Variants in TXNDC16 observed in about 807,000 individuals in gnomAD.
The protein encoded by TXNDC16 is thioredoxin domain containing 16, also known as thioredoxin domain-containing protein 16.
A neutral mutation model predicts 85.6 loss-of-function variants in TXNDC16; 74 were observed. The ratio of observed to expected loss-of-function variants is 0.86; its 90% CI spans 0.72 to 1.05. The LOEUF (loss-of-function observed/expected upper bound fraction) is 1.05. Ranked by LOEUF, TXNDC16 falls within the 50% of genes least tolerant of loss-of-function variation. The pLI is 0.00. For synonymous variants in TXNDC16, 335 were observed against 326.5 expected (o/e 1.03, Z -0.28); for missense variants, 959 against 947.0 (o/e 1.01, Z -0.17).
chr14:52,480,928 T>C (rs2036129456), intron 14 of TXNDC16, among the ~76,000 whole-genome samples: 1 of 147,334 alleles, frequency 6.8e-6, no homozygotes, highest in Admixed American at 6.9e-5. Flanking sequence ...AATCAACGAG[T>C]GGACAAAGAC....
intron 16 of TXNDC16, among the ~76,000 whole-genome samples, chr14:52,465,326 C>T (rs1172177956): frequency 6.6e-6 from 1 of 152,186 alleles, no homozygotes; most frequent in Non-Finnish European, 1.5e-5. Context: ...GGCGCAGTGG[C>T]TCACGCCTGC....
chr14:52,545,722 G>A lies in TXNDC16; in HGVS notation c.-181-1351C>T, dbSNP rs114342346. On this transcript the variant is annotated intron_variant, in intron 1 of 20. Transcript: ENST00000281741. ...AACAGTGAGCAGTTGAAAGTAATTGGCTCTAAGGAAGAAGAAAGAGGGGAA... is the reference window on the plus strand; with the variant it reads ...AACAGTGAGCAGTTGAAAGTAATTGACTCTAAGGAAGAAGAAAGAGGGGAA... 4.7e-3 allele frequency among the ~76,000 whole-genome samples: 715 copies of A among 152,296 alleles called. 6 individuals carry two copies. Among genetic ancestry groups the A allele is most frequent in the African/African-American group, 0.016 (683 of 41,568 alleles).
chr14:52,502,800 G>A (rs1051685210), intron 9 of TXNDC16, among the ~76,000 whole-genome samples: 1 of 152,208 alleles, frequency 6.6e-6, no homozygotes, highest in Non-Finnish European at 1.5e-5. Context: ...GGAAGTGCAA[G>A]GGGTCAGGGA....
At chr14:52,484,199 G>GGGATAA (rs1555337215) in intron 12 of TXNDC16, among the ~76,000 whole-genome samples, 1 of 39,926 alleles carries the variant, frequency 2.5e-5, no homozygotes, top group African/African-American at 9.4e-5. Flanking sequence ...AAAACAATAA[G>GGGATAA]GGGGGGGGGT....
chr14:52,552,431 G>A lies in TXNDC16; in HGVS notation c.-297C>T, dbSNP rs1160368665. Reference sequence around the variant, plus strand: ...AGACGGGGCCGTGCCAGACTAGCCGGGTAGCCTGGAACCACTTCGCCAACC... The same window carrying A: ...AGACGGGGCCGTGCCAGACTAGCCGAGTAGCCTGGAACCACTTCGCCAACC... On this transcript the variant is annotated 5_prime_UTR_variant, in exon 1 of 21. Coordinates refer to ENST00000281741, the MANE Select transcript of TXNDC16 (RefSeq NM_020784.3). 1 of 152,254 alleles carries A rather than the reference G, an allele frequency of 6.6e-6. No homozygotes were observed. The highest frequency in any genetic ancestry group is 1.9e-4 in the East Asian group (1 of 5,192). The allele number at this position is 152,254 out of a possible 1,614,324, so 9.4% of individuals were successfully genotyped here.
In TXNDC16 at chr14:52,455,476, C is replaced by T. The variant is rs201174298; in HGVS notation, c.1704-14G>A. On this transcript the variant is annotated splice_polypyrimidine_tract_variant and intron_variant, in intron 17 of 20. Coordinates refer to ENST00000281741, the MANE Select transcript of TXNDC16 (RefSeq NM_020784.3). ...TATTTGGTTGACCTATGGAGAAAGG[C>T]AGTATTAAAATTCACGATCAAAATC... 2 of 1,613,004 alleles carry T rather than the reference C, an allele frequency of 1.2e-6. No homozygotes were observed. The highest frequency in any genetic ancestry group is 2.2e-5 in the South Asian group (2 of 90,850).
chr14:52,482,950 T>C lies in TXNDC16; in HGVS notation c.1124A>G (p.Glu375Gly), dbSNP rs1426314317. 6.2e-7 allele frequency: 1 copy of C among 1,607,858 alleles called. No homozygotes were observed. The highest frequency in any genetic ancestry group is 8.5e-7 in the Non-Finnish European group (1 of 1,178,648). Residue 375 changes from glutamate to glycine, a missense_variant, in exon 13 of 21, where the codon GAA (glutamate) becomes GGA (glycine). Physicochemically the swap from Glu to Gly is moderately conservative, Grantham distance 98. Transcript: ENST00000281741. ...ATCTCTGAAAACAGTTTCTGCCACTTCATCATCCTGAACATCTAAAATGTT... is the reference window on the plus strand; with the variant it reads ...ATCTCTGAAAACAGTTTCTGCCACTCCATCATCCTGAACATCTAAAATGTT... ...EGPDIDVQDD[E>G]VAETVFRDRK...
intron 4 of TXNDC16, among the ~76,000 whole-genome samples, chr14:52,541,529 T>C (rs573644279): frequency 2.0e-5 from 3 of 152,314 alleles, no homozygotes; most frequent in Non-Finnish European, 2.9e-5. Context: ...AATTGACACA[T>C]TTAAAAAATA....
chr14:52,541,759 C>A (rs1029899814), intron 4 of TXNDC16, among the ~76,000 whole-genome samples: 1 of 151,998 alleles, frequency 6.6e-6, no homozygotes, highest in Non-Finnish European at 1.5e-5. Flanking sequence ...TATATAAATT[C>A]TAAGTTTAAA....
At chr14:52,488,657 G>A (rs188200715) in intron 11 of TXNDC16, among the ~76,000 whole-genome samples, 171 bp from the exon 12 acceptor site, 3 of 151,920 alleles carry the variant, frequency 2.0e-5, no homozygotes, top group Non-Finnish European at 4.4e-5. Flanking sequence ...CCAACATGGT[G>A]AAACTGTCTC....
Position 52,470,624 on chromosome 14 carries a change from T to C in TXNDC16, c.1369A>G (p.Thr457Ala). The C allele has an allele frequency of 6.2e-7, 1 of 1,614,034 alleles. No individual in the cohort carries two copies. Among genetic ancestry groups the C allele is most frequent in the Non-Finnish European group, 8.5e-7 (1 of 1,179,950 alleles). ...INCADWSDVC[T>A]KQNVTEFPII... ...GGAAATTCAGTAACATTTTGCTTAG[T>C]ACATACATCAGACCAATCTGCACAG... Residue 457 changes from threonine (T) to alanine (A), a missense_variant, in exon 15 of 21, where the codon ACT (threonine) becomes GCT (alanine). By Grantham distance (58) the Thr-to-Ala change is moderately conservative. Coordinates refer to ENST00000281741, the MANE Select transcript of TXNDC16 (RefSeq NM_020784.3).
chr14:52,432,580 T>C lies in TXNDC16; in HGVS notation c.2202A>G (p.Leu734=). 8 of 1,601,592 alleles carry C rather than the reference T, an allele frequency of 5.0e-6. No individual in the cohort carries two copies. The highest frequency in any genetic ancestry group is 6.8e-6 in the Non-Finnish European group (8 of 1,174,802). Residue 734 remains leucine, a synonymous_variant, in exon 21 of 21, where the codon TTA becomes TTG. Transcript: ENST00000281741. The part of the protein sequence containing the change: ...EAGLENHITI[L]PAQEWKPPLP... ...GAGGAGGTTTCCATTCTTGAGCAGG[T>C]AAAATTGCTGGAAGGAAGAAACAAT...
At chr14:52,475,445 CACTG>C (rs2035999901) in intron 14 of TXNDC16, among the ~76,000 whole-genome samples, 1 of 152,176 alleles carries the variant, frequency 6.6e-6, no homozygotes, top group Non-Finnish European at 1.5e-5. Flanking sequence ...CCTGGTCACC[CACTG>C]CCTGGAAACA....
chr14:52,504,023 G>C (rs9972203), intron 9 of TXNDC16, among the ~76,000 whole-genome samples: 5,129 of 152,152 alleles, frequency 0.034, 261 homozygotes, highest in African/African-American at 0.12. Flanking sequence ...GAAGTTTAGA[G>C]AAAAAAGAAT....
chr14:52,504,234 T>C (rs866530932), intron 9 of TXNDC16, among the ~76,000 whole-genome samples: 40 of 151,970 alleles, frequency 2.6e-4, no homozygotes, highest in African/African-American at 9.7e-4. Context: ...ACAAACATAC[T>C]CCTCGAGAAG....
At chr14:52,523,957 A>G (rs905319499) in intron 6 of TXNDC16, among the ~76,000 whole-genome samples, 24 of 152,254 alleles carry the variant, frequency 1.6e-4, no homozygotes, top group Non-Finnish European at 2.5e-4. Flanking sequence ...AGATAAAACC[A>G]TTAATACCAA....
rs149441156 is a variant in TXNDC16 at position 52,494,441 on chromosome 14, C to T, written c.757-3436G>A. 2.0e-3 allele frequency among the ~76,000 whole-genome samples: 303 copies of T among 152,286 alleles called. 2 individuals carry two copies. Among genetic ancestry groups the T allele is most frequent in the African/African-American group, 7.1e-3 (296 of 41,560 alleles). On this transcript the variant is annotated intron_variant, in intron 9 of 20. Coordinates refer to ENST00000281741, the MANE Select transcript of TXNDC16 (RefSeq NM_020784.3). ...AATGAGAACAACCCCTGTCCAACAGCCAGCAAGAAAACAGAAACCTGGGTC... is the reference window on the plus strand; with the variant it reads ...AATGAGAACAACCCCTGTCCAACAGTCAGCAAGAAAACAGAAACCTGGGTC...
At chr14:52,493,088 C>T (rs1022100703) in intron 9 of TXNDC16, among the ~76,000 whole-genome samples, 1 of 151,034 alleles carries the variant, frequency 6.6e-6, no homozygotes, top group East Asian at 1.9e-4. Context: ...CCAGCCTGGG[C>T]TACAAAGCGT....
chr14:52,504,318 G>C (rs1001333756), intron 9 of TXNDC16, among the ~76,000 whole-genome samples: 2 of 152,220 alleles, frequency 1.3e-5, no homozygotes, highest in African/African-American at 4.8e-5. Context: ...GGCAGCCAGA[G>C]AGAAAGGTCG....
Sources: allele counts gnomAD v4.1 joint callset (sites outside exome capture counted in the v4.1 genomes callset), GRCh38; gene constraint gnomAD v4.1.1; transcripts MANE v1.5; gene names NCBI Gene and HGNC (gene_info 2026-07-23, HGNC 2026-07-21).